Variants in HLF observed in about 807,000 individuals in gnomAD.
HLF encodes the protein HLF transcription factor, PAR bZIP family member.
In HLF, 3 loss-of-function variants were observed where a neutral mutation model predicts 22.6. The observed-to-expected ratio is 0.13, with a 90% CI of 0.06 to 0.34. The LOEUF (loss-of-function observed/expected upper bound fraction) is 0.34. Among genes scored for constraint, HLF ranks in the 10% least tolerant of loss-of-function variants. The pLI is 1.00. For synonymous variants in HLF, 151 were observed against 151.8 expected (o/e 0.99, Z 0.04); for missense variants, 299 against 389.2 (o/e 0.77, Z 1.95).
In HLF at chr17:55,323,185, A is replaced by G; in HGVS notation, c.*2306A>G. The stretch of plus-strand genomic sequence containing the variant: ...TGGGGGTGTATTGGAATTGCAATAC[A>G]TTGTTCAGGTGAATAATAAAATCAA... On this transcript the variant is annotated 3_prime_UTR_variant, in exon 4 of 4. Coordinates refer to ENST00000226067, the MANE Select transcript of HLF (RefSeq NM_002126.5). The G allele has an allele frequency of 4.6e-6, 1 of 217,816 alleles. No individual in the cohort carries two copies. Among genetic ancestry groups the G allele is most frequent in the East Asian group, 6.8e-5 (1 of 14,630 alleles). The allele number at this position is 217,816 out of a possible 1,614,324, so 13.5% of individuals were successfully genotyped here.
rs1904798454 is a variant in HLF at position 55,310,886 on chromosome 17, A to G, written c.452-4341A>G. On this transcript the variant is annotated intron_variant, in intron 2 of 3. Coordinates refer to ENST00000226067, the MANE Select transcript of HLF (RefSeq NM_002126.5). ...GTAATATACCCTAGTAACAACTCTTATAATACATTTAAGGAATAAACTGAA... is the reference window on the plus strand; with the variant it reads ...GTAATATACCCTAGTAACAACTCTTGTAATACATTTAAGGAATAAACTGAA... 3.3e-5 allele frequency among the ~76,000 whole-genome samples: 5 copies of G among 152,204 alleles called. 1 individual carries two copies. In the South Asian group the frequency reaches 1.0e-3, roughly 32 times the overall value.
intron 2 of HLF, among the ~76,000 whole-genome samples, chr17:55,285,246 G>T (rs2080993398): frequency 6.6e-6 from 1 of 152,164 alleles, no homozygotes; most frequent in Non-Finnish European, 1.5e-5. Flanking sequence ...ATTTGGAATG[G>T]TCTCAGTTTT....
At chr17:55,270,683 C>T (rs922505626) in intron 2 of HLF, among the ~76,000 whole-genome samples, 108 of 119,874 alleles carry the variant, frequency 9.0e-4, no homozygotes, top group African/African-American at 3.3e-3. Flanking sequence ...TTTTTTGAGA[C>T]GGAGTCTCGC....
intron 2 of HLF, among the ~76,000 whole-genome samples, chr17:55,295,700 C>G (rs187092263): frequency 2.9e-4 from 44 of 152,318 alleles, no homozygotes; most frequent in Non-Finnish European, 7.3e-5. Context: ...TGCCCTATGT[C>G]CCGTACCACC....
At position 55,265,626 on chromosome 17, in the gene HLF, G is replaced by A. The variant is rs749993049; in HGVS notation, c.115+27G>A. 8 of 1,503,896 alleles carry A rather than the reference G, an allele frequency of 5.3e-6. No individual in the cohort carries two copies. The Admixed American group carries it at 1.2e-4, about 23-fold the overall frequency. 93.2% of individuals were successfully genotyped at this position (1,503,896 alleles called of 1,614,324 possible). ...TGAGCGCTGCCGCGGCCCCGCTCCG[G>A]GAAGGGACGACGCTCCGGGGGTCCC... On this transcript the variant is annotated intron_variant, in intron 1 of 3. Transcript: ENST00000226067.
intron 2 of HLF, among the ~76,000 whole-genome samples, chr17:55,306,536 AAGTGTG>A (rs1195073767): frequency 3.4e-4 from 23 of 67,354 alleles, no homozygotes; most frequent in Non-Finnish European, 4.9e-4. Flanking sequence ...GGCAAAAAGG[AAGTGTG>A]TGTGTGTGTG....
At chr17:55,279,808 G>A (rs575813751) in intron 2 of HLF, among the ~76,000 whole-genome samples, 3 of 152,072 alleles carry the variant, frequency 2.0e-5, no homozygotes, top group Non-Finnish European at 4.4e-5. Flanking sequence ...ATTGTTGCCA[G>A]TTATCTCCAT....
Position 55,322,170 on chromosome 17 carries a change from T to C in HLF, c.*1291T>C. 1 of 201,928 alleles carries C rather than the reference T, an allele frequency of 5.0e-6. No homozygotes were observed. The highest frequency in any genetic ancestry group is 1.0e-5 in the Non-Finnish European group (1 of 97,894). 12.5% of individuals were successfully genotyped at this position (201,928 alleles called of 1,614,324 possible). A position where few individuals can be genotyped will look rare whatever the true frequency, so the allele number is the denominator to read the frequency against. On this transcript the variant is annotated 3_prime_UTR_variant, in exon 4 of 4. Transcript: ENST00000226067. ...TATGTGCTCTTATAAAGTGGACTTC[T>C]GAAAAATGAATGTAAAAGACACTGG...
intron 2 of HLF, among the ~76,000 whole-genome samples, chr17:55,303,138 A>G (rs1904377281): frequency 6.6e-6 from 1 of 152,180 alleles, no homozygotes. Context: ...CATAGCAGGG[A>G]TATGAGAAGG....
intron 2 of HLF, among the ~76,000 whole-genome samples, chr17:55,277,681 C>G (rs1168033885): frequency 6.6e-6 from 1 of 152,040 alleles, no homozygotes; most frequent in Admixed American, 6.6e-5. Context: ...TCAAGCACCC[C>G]CTGAAGTGTG....
chr17:55,270,802 C>T (rs957773383), intron 2 of HLF, among the ~76,000 whole-genome samples: 13 of 152,066 alleles, frequency 8.5e-5, no homozygotes, highest in African/African-American at 2.7e-4. Flanking sequence ...CGCCACCACG[C>T]CCGGCTAATT....
At chr17:55,277,507 G>T (rs1348851700) in intron 2 of HLF, among the ~76,000 whole-genome samples, 1 of 150,938 alleles carries the variant, frequency 6.6e-6, no homozygotes, top group Non-Finnish European at 1.5e-5. Flanking sequence ...TGTATTTGTG[G>T]CTCCCTTCTT....
chr17:55,300,004 T>G (rs1215845533), intron 2 of HLF, among the ~76,000 whole-genome samples: 1 of 152,086 alleles, frequency 6.6e-6, no homozygotes, highest in African/African-American at 2.4e-5. Context: ...CCCAGCTAAT[T>G]TTTGAAAAAT....
At chr17:55,316,548 A>G (rs1325720093) in intron 3 of HLF, among the ~76,000 whole-genome samples, 2 of 152,270 alleles carry the variant, frequency 1.3e-5, no homozygotes, top group Non-Finnish European at 2.9e-5. Context: ...GCAGAATAGG[A>G]AAACATCAGG....
chr17:55,301,901 T>C (rs1283736662), intron 2 of HLF, among the ~76,000 whole-genome samples: 8 of 152,226 alleles, frequency 5.3e-5, no homozygotes, highest in Admixed American at 5.2e-4. Flanking sequence ...AAGGAAAGCC[T>C]CCACTGCACT....
At chr17:55,294,044 C>G (rs539101263) in intron 2 of HLF, among the ~76,000 whole-genome samples, 1 of 74,384 alleles carries the variant, frequency 1.3e-5, no homozygotes, top group East Asian at 6.8e-4. Context: ...AGCCACAGTT[C>G]CTTCTGATAA....
At chr17:55,282,980 G>A (rs78898805) in intron 2 of HLF, among the ~76,000 whole-genome samples, 3,723 of 152,174 alleles carry the variant, frequency 0.024, 151 homozygotes, top group African/African-American at 0.085. Flanking sequence ...TCTTCATGCC[G>A]AATGGAAACC....
chr17:55,305,840 G>A (rs1026759875), intron 2 of HLF, among the ~76,000 whole-genome samples: 7 of 152,190 alleles, frequency 4.6e-5, no homozygotes, highest in Non-Finnish European at 7.3e-5. Flanking sequence ...TGGGGCATTC[G>A]CATGAAAAAG....
In HLF at chr17:55,322,019, T is replaced by C. The variant is rs910442006; in HGVS notation, c.*1140T>C. ...TACTTTGTTGTTTTTAAAAAGAAAA[T>C]CAGTTGATTAAGTTAATAAGTTGAT... On this transcript the variant is annotated 3_prime_UTR_variant, in exon 4 of 4. Transcript: ENST00000226067. The C allele has an allele frequency of 4.6e-6, 1 of 218,496 alleles. No individual in the cohort carries two copies. The highest frequency in any genetic ancestry group is 2.2e-5 in the African/African-American group (1 of 44,456). 13.5% of individuals were successfully genotyped at this position (218,496 alleles called of 1,614,324 possible). A position where few individuals can be genotyped will look rare whatever the true frequency, so the allele number is the denominator to read the frequency against.
Sources: allele counts gnomAD v4.1 joint callset (sites outside exome capture counted in the v4.1 genomes callset), GRCh38; gene constraint gnomAD v4.1.1; transcripts MANE v1.5; gene names NCBI Gene and HGNC (gene_info 2026-07-23, HGNC 2026-07-21).